HMCN1: variants seen among roughly 807,000 people sequenced by gnomAD.
The protein encoded by HMCN1 is hemicentin-1.
HMCN1 carries 321 observed loss-of-function variants against 625.9 expected under a neutral mutation model. The ratio of observed to expected loss-of-function variants is 0.51; its 90% CI spans 0.47 to 0.56. The LOEUF is 0.56. Ranked by LOEUF, HMCN1 falls within the 20% of genes least tolerant of loss-of-function variation. HMCN1 has a pLI of 0.00. For missense variants in HMCN1, 6,588 were observed against 6,887.3 expected, an observed-to-expected ratio of 0.96 and a Z score of 1.54; for synonymous variants, 2,425 against 2,417.6, an observed-to-expected ratio of 1.00 and a Z score of -0.09.
chr1:185,792,292 TA>T (rs1658062687), intron 1 of HMCN1, among the ~76,000 whole-genome samples: 1 of 152,188 alleles, frequency 6.6e-6, no homozygotes, highest in Non-Finnish European at 1.5e-5. Flanking sequence ...ATCACAGACT[TA>T]TGGTAAGTGA....
At chr1:185,896,920 TATACCTTG>T (rs1159978371) in intron 4 of HMCN1, among the ~76,000 whole-genome samples, 1 of 152,236 alleles carries the variant, frequency 6.6e-6, no homozygotes, top group African/African-American at 2.4e-5. Context: ...AAATTTCAAA[TATACCTTG>T]ATGCTGTTTT....
chr1:186,151,631 T>C lies in HMCN1; in HGVS notation c.14784T>C (p.Ser4928=), dbSNP rs149701401. The C allele has an allele frequency of 4.3e-5, 70 of 1,612,870 alleles. 1 individual carries two copies. The highest frequency in any genetic ancestry group is 5.1e-6 in the Non-Finnish European group (6 of 1,179,124). The change falls in exon 95 of 107, where the codon TCT becomes TCC. Residue 4928 remains serine (S), a synonymous_variant. Coordinates refer to ENST00000271588, the MANE Select transcript of HMCN1 (RefSeq NM_031935.3). Reference sequence around the variant, plus strand: ...GTTCAGCAATGAGAAAGATAGTTTCTATTCTAAATCCCATTTATTGGACAA... The same window carrying C: ...GTTCAGCAATGAGAAAGATAGTTTCCATTCTAAATCCCATTTATTGGACAA... ...SLGSAMRKIV[S]ILNPIYWTTA...
intron 72 of HMCN1, among the ~76,000 whole-genome samples, 200 bp from the exon 73 acceptor site, chr1:186,113,779 C>T (rs1194010336): frequency 6.6e-6 from 1 of 152,222 alleles, no homozygotes; most frequent in Non-Finnish European, 1.5e-5. Flanking sequence ...CCCTCCCTAT[C>T]TACCCTTTAT....
At chr1:186,030,132 T>C (rs1232291286) in intron 36 of HMCN1, among the ~76,000 whole-genome samples, 1 of 152,130 alleles carries the variant, frequency 6.6e-6, no homozygotes, top group Non-Finnish European at 1.5e-5. Context: ...GTCTTATATA[T>C]AGTCTGTCTT....
At chr1:185,782,660 T>A (rs2102178266) in intron 1 of HMCN1, among the ~76,000 whole-genome samples, 1 of 152,368 alleles carries the variant, frequency 6.6e-6, no homozygotes, top group African/African-American at 2.4e-5. Flanking sequence ...TCTTTAAGAA[T>A]GTTGAATATT....
intron 50 of HMCN1, 61 bp from the exon 51 acceptor site, chr1:186,069,602 C>T (rs1658359572): frequency 1.0e-6 from 1 of 1,001,242 alleles, no homozygotes; most frequent in South Asian, 1.3e-5. Flanking sequence ...CCCTGATAGC[C>T]TGTGTGTACT....
At chr1:186,162,247 G>A (rs140000869) in intron 97 of HMCN1, among the ~76,000 whole-genome samples, 6,552 of 152,026 alleles carry the variant, frequency 0.043, 459 homozygotes, top group African/African-American at 0.15. Flanking sequence ...CGTAGTTCTC[G>A]AGCCTTGGCT....
intron 11 of HMCN1, among the ~76,000 whole-genome samples, chr1:185,951,542 G>C (rs541789424): frequency 2.0e-5 from 3 of 150,378 alleles, no homozygotes; most frequent in Admixed American, 2.0e-4. Flanking sequence ...CTTCTGAGGC[G>C]ATCGGGCAGT....
Position 186,115,542 on chromosome 1 carries a change from T to C in HMCN1, c.11561+128T>C, listed in dbSNP as rs1425753733. 10 of 879,658 alleles carry C rather than the reference T, an allele frequency of 1.1e-5. No homozygotes were observed. The South Asian group carries it at 1.2e-4, about 10-fold the overall frequency. The allele number at this position is 879,658 out of a possible 1,614,324, so 54.5% of individuals were successfully genotyped here. On this transcript the variant is annotated intron_variant, in intron 75 of 106. Transcript: ENST00000271588. ...AATTAGCTAGCATATAGAGGGTTTT[T>C]TTCCTTAATATGGACTTAGTTTTTC...
chr1:185,952,806 AAG>A (rs1379195256), intron 11 of HMCN1, among the ~76,000 whole-genome samples: 3 of 151,648 alleles, frequency 2.0e-5, no homozygotes, highest in African/African-American at 7.3e-5. Flanking sequence ...CCTAGAGAAA[AAG>A]AGTAGAGACA....
chr1:186,086,416 C>A lies in HMCN1; in HGVS notation c.9046+9C>A. ...TACTCTCATTGTGCCTGGTAAGGAA[C>A]TTCTTATTATAAAGCAGGCAAAATT... On this transcript the variant is annotated intron_variant, in intron 58 of 106. Coordinates refer to ENST00000271588, the MANE Select transcript of HMCN1 (RefSeq NM_031935.3). 6.2e-7 allele frequency: 1 copy of A among 1,612,528 alleles called. No individual in the cohort carries two copies. The highest frequency in any genetic ancestry group is 8.5e-7 in the Non-Finnish European group (1 of 1,179,068).
At chr1:186,010,874 G>C (rs1482854673) in intron 30 of HMCN1, among the ~76,000 whole-genome samples, 2 of 151,926 alleles carry the variant, frequency 1.3e-5, no homozygotes, top group African/African-American at 4.8e-5. Flanking sequence ...CTACAAAATT[G>C]TTTGTTTGTG....
chr1:186,038,595 G>A (rs1424793682), intron 37 of HMCN1, among the ~76,000 whole-genome samples: 1 of 152,148 alleles, frequency 6.6e-6, no homozygotes, highest in Non-Finnish European at 1.5e-5. Context: ...ATTAGAGATA[G>A]TAAAGAATAT....
In HMCN1 at chr1:186,095,493, CAGCA is replaced by C; in HGVS notation, c.10550_10553del (p.Lys3517ThrfsTer7). On this transcript the variant is annotated frameshift_variant, in exon 68 of 107. Coordinates refer to ENST00000271588, the MANE Select transcript of HMCN1 (RefSeq NM_031935.3). LOFTEE classifies it high-confidence loss of function. ...TTGCCTCAAATGAAGCTGGAGAAGT[CAGCA>C]AGCACTTTATCCTCAAGGTCCTAGG... The C allele has an allele frequency of 6.2e-7, 1 of 1,613,542 alleles. No individual in the cohort carries two copies. The highest frequency in any genetic ancestry group is 8.5e-7 in the Non-Finnish European group (1 of 1,179,694).
intron 52 of HMCN1, among the ~76,000 whole-genome samples, chr1:186,072,728 G>A (rs1658550436): frequency 6.6e-6 from 1 of 152,192 alleles, no homozygotes; most frequent in African/African-American, 2.4e-5. Flanking sequence ...AAAGAGCACA[G>A]CAAGGGCAAA....
chr1:185,948,333 C>T (rs1668450447), intron 11 of HMCN1, among the ~76,000 whole-genome samples: 1 of 151,962 alleles, frequency 6.6e-6, no homozygotes, highest in Admixed American at 6.6e-5. Flanking sequence ...AGCAACATGG[C>T]TGTTTATTTC....
At chr1:185,848,710 G>A (rs1661984223) in intron 2 of HMCN1, among the ~76,000 whole-genome samples, 2 of 151,984 alleles carry the variant, frequency 1.3e-5, no homozygotes, top group Non-Finnish European at 2.9e-5. Flanking sequence ...TGTTACCTTT[G>A]TGAATGATGT....
intron 1 of HMCN1, among the ~76,000 whole-genome samples, chr1:185,790,595 T>C (rs1195902962): frequency 6.6e-6 from 1 of 152,218 alleles, no homozygotes; most frequent in Non-Finnish European, 1.5e-5. Flanking sequence ...TGATGTCACA[T>C]GGCCTAGAGC....
At chr1:185,781,267 C>T (rs933215756) in intron 1 of HMCN1, among the ~76,000 whole-genome samples, 7 of 152,074 alleles carry the variant, frequency 4.6e-5, no homozygotes, top group African/African-American at 1.7e-4. Flanking sequence ...TGCTAGCAGT[C>T]TATCAGTTTT....
Sources: gnomAD v4.1 joint callset for allele counts (sites outside exome capture counted in the v4.1 genomes callset) on GRCh38, gnomAD v4.1.1 for gene constraint, MANE v1.5 for transcripts, NCBI Gene and HGNC (gene_info 2026-07-23, HGNC 2026-07-21) for gene names.